The following KLF16 variants were observed in gnomAD, a reference collection of about 807,000 sequenced individuals.
KLF16 encodes Krueppel-like factor 16.
In KLF16, 6 loss-of-function variants were observed where a neutral mutation model predicts 6.1. That is an observed-to-expected ratio of 0.98 (90% CI 0.54 to 1.93). The LOEUF (loss-of-function observed/expected upper bound fraction) is 1.93. KLF16 is among the 30% of genes most tolerant of loss of function. The pLI, the probability that KLF16 is intolerant of heterozygous loss-of-function variation, is 0.01. For missense variants in KLF16, 355 were observed against 363.8 expected (o/e 0.98, Z 0.20); for synonymous variants, 211 against 176.5 (o/e 1.20, Z -1.55).
At chr19:1,864,679 C>T (rs1432740872), upstream of KLF16, among the ~76,000 whole-genome samples, 2 of 152,142 alleles carry the variant, frequency 1.3e-5, no homozygotes, top group Non-Finnish European at 2.9e-5. Flanking sequence ...GGCATCGATT[C>T]TTGGGGTTCG....
the KLF16 span, among the ~76,000 whole-genome samples, chr19:1,872,055 TC>T: frequency 6.6e-6 from 1 of 152,208 alleles, no homozygotes; most frequent in Non-Finnish European, 1.5e-5. Flanking sequence ...GCACCCCGCT[TC>T]CTTGGCCTCC....
intron 1 of KLF16, 86 bp from the exon 2 acceptor site, chr19:1,854,846 G>C (rs1039239483): frequency 1.4e-6 from 2 of 1,453,142 alleles, no homozygotes; most frequent in Non-Finnish European, 1.9e-6. Context: ...AAAGGGTGGC[G>C]GGCATTTGTC....
Position 1,852,453 on chromosome 19 carries a change from A to C in KLF16, c.*2006T>G, listed in dbSNP as rs547710304. ...ATTAAATACAAGGATGAGGCCAGGCAGGGCGGGGGAGGGGCGCCACCCACG... is the reference window on the plus strand; with the variant it reads ...ATTAAATACAAGGATGAGGCCAGGCCGGGCGGGGGAGGGGCGCCACCCACG... On this transcript the variant is annotated 3_prime_UTR_variant, in exon 2 of 2. Coordinates refer to ENST00000250916, the MANE Select transcript of KLF16 (RefSeq NM_031918.4). 6.6e-6 allele frequency: 1 copy of C among 150,948 alleles called. No homozygotes were observed. The highest frequency in any genetic ancestry group is 2.1e-4 in the South Asian group (1 of 4,746). The allele number at this position is 150,948 out of a possible 1,614,324, so 9.4% of individuals were successfully genotyped here.
chr19:1,854,950 C>T (rs560221660), intron 1 of KLF16, among the ~76,000 whole-genome samples, 190 bp from the exon 2 acceptor site: 2 of 152,272 alleles, frequency 1.3e-5, no homozygotes, highest in African/African-American at 4.8e-5. Context: ...TGGCCCAACA[C>T]GAGACCCTAA....
chr19:1,863,087 G>A lies in KLF16; in HGVS notation c.411C>T (p.Ala137=). Residue 137 remains alanine, a synonymous_variant, in exon 1 of 2, where the codon GCC becomes GCT. Coordinates refer to ENST00000250916, the MANE Select transcript of KLF16 (RefSeq NM_031918.4). ...HRCPFPDCAK[A]YYKSSHLKSH... ...ACTTTAGGTGCGAGGACTTGTAGTA[G>A]GCTTTGGCGCAGTCCGGGAAGGGAC... 1 of 1,414,972 alleles carries A rather than the reference G, an allele frequency of 7.1e-7. No individual in the cohort carries two copies. Among genetic ancestry groups the A allele is most frequent in the Non-Finnish European group, 9.4e-7 (1 of 1,066,768 alleles). 87.7% of individuals were successfully genotyped at this position (1,414,972 alleles called of 1,614,324 possible).
chr19:1,863,540 C>A lies in KLF16; in HGVS notation c.-43G>T, dbSNP rs1237633520. The stretch of plus-strand genomic sequence containing the variant: ...GGCGCGGCGGGCGGAGCGGAGGCGG[C>A]GGGAGCGGCGTCCGTCCGGCCGGCG... On this transcript the variant is annotated 5_prime_UTR_variant, in exon 1 of 2. Transcript: ENST00000250916. 3 of 931,788 alleles carry A rather than the reference C, an allele frequency of 3.2e-6. No individual in the cohort carries two copies. Among genetic ancestry groups the A allele is most frequent in the African/African-American group, 3.6e-5 (2 of 55,226 alleles). The allele number at this position is 931,788 out of a possible 1,614,324, so 57.7% of individuals were successfully genotyped here.
rs764982683 is a variant in KLF16, at chr19:1,854,500, C to A, written c.718G>T (p.Ala240Ser). ...GCTGGGCTGGGCGCGGGGCTGGGCG[C>A]AGGGCTCCCGGCCAGGCTGCAGGGC... is the stretch of plus-strand genomic sequence containing the variant. ...SLPCSLAGSP[A>S]PSPAPSPAPA... is the part of the protein sequence containing the mutation. The change falls in exon 2 of 2, where the codon GCG becomes TCG. Residue 240 changes from alanine (A) to serine (S), a missense_variant. By Grantham distance (99) the Ala-to-Ser change is moderately conservative. Transcript: ENST00000250916. The A allele has an allele frequency of 1.4e-6, 2 of 1,460,588 alleles. No homozygotes were observed. The highest frequency in any genetic ancestry group is 1.4e-5 in the South Asian group (1 of 70,776). The allele number at this position is 1,460,588 out of a possible 1,614,324, so 90.5% of individuals were successfully genotyped here. A position where few individuals can be genotyped will look rare whatever the true frequency, so the allele number is the denominator to read the frequency against.
chr19:1,866,793 AAGG>A (rs2012195409), upstream of KLF16, among the ~76,000 whole-genome samples: 1 of 151,238 alleles, frequency 6.6e-6, no homozygotes, highest in African/African-American at 2.4e-5. Context: ...AAAAAAAAAA[AAGG>A]AGTTGTCATT....
At chr19:1,860,304 G>A (rs2145367802) in intron 1 of KLF16, 1 of 152,608 alleles carries the variant, frequency 6.6e-6, no homozygotes, top group East Asian at 1.9e-4. Flanking sequence ...AGAGCCGAGA[G>A]CTGGCCGGGC....
Position 1,854,437 on chromosome 19 carries a change from C to T in KLF16, c.*22G>A. On this transcript the variant is annotated 3_prime_UTR_variant, in exon 2 of 2. Transcript: ENST00000250916. ...TGGATGGCAGAAGCATCCTGGCGGTCAGGGTGGGCTGCACGAGGGCCCTAC... is the reference window on the plus strand; with the variant it reads ...TGGATGGCAGAAGCATCCTGGCGGTTAGGGTGGGCTGCACGAGGGCCCTAC... 2 of 1,389,172 alleles carry T rather than the reference C, an allele frequency of 1.4e-6. No homozygotes were observed. Among genetic ancestry groups the T allele is most frequent in the Non-Finnish European group, 1.9e-6 (2 of 1,080,754 alleles). 86.1% of individuals were successfully genotyped at this position (1,389,172 alleles called of 1,614,324 possible). A position where few individuals can be genotyped will look rare whatever the true frequency, so the allele number is the denominator to read the frequency against.
chr19:1,872,233 C>T, the KLF16 span, among the ~76,000 whole-genome samples: 1,189 of 152,236 alleles, frequency 7.8e-3, 19 homozygotes, highest in African/African-American at 0.026. Flanking sequence ...TGGGTTCAAG[C>T]GATTCTCCTG....
chr19:1,869,291 A>C, the KLF16 span, among the ~76,000 whole-genome samples: 19 of 152,178 alleles, frequency 1.2e-4, no homozygotes, highest in Non-Finnish European at 1.5e-5. Context: ...AGCCTGGCCA[A>C]CATGGTGAAA....
intron 1 of KLF16, among the ~76,000 whole-genome samples, chr19:1,856,820 C>A (rs952003369): frequency 2.0e-5 from 3 of 152,130 alleles, no homozygotes; most frequent in African/African-American, 7.2e-5. Flanking sequence ...GGGGAGGCGG[C>A]AGGAGGGAAG....
At chr19:1,856,860 A>C (rs1244248378) in intron 1 of KLF16, among the ~76,000 whole-genome samples, 2 of 150,768 alleles carry the variant, frequency 1.3e-5, no homozygotes, top group Non-Finnish European at 3.0e-5. Flanking sequence ...GGTGCCGGAC[A>C]GTCAGTTGGT....
At chr19:1,859,207 T>C (rs955732602) in intron 1 of KLF16, among the ~76,000 whole-genome samples, 19 of 151,632 alleles carry the variant, frequency 1.3e-4, no homozygotes, top group African/African-American at 4.6e-4. Context: ...TGCCTGGGGG[T>C]GGAGGAGAGA....
upstream of KLF16, among the ~76,000 whole-genome samples, chr19:1,867,455 G>T (rs2012205577): frequency 6.6e-6 from 1 of 152,228 alleles, no homozygotes; most frequent in Admixed American, 6.5e-5. Context: ...CACGCCTGTG[G>T]TCCCAGCTCT....
At chr19:1,856,545 CAA>C (rs1322055481) in intron 1 of KLF16, among the ~76,000 whole-genome samples, 1 of 152,156 alleles carries the variant, frequency 6.6e-6, no homozygotes, top group Admixed American at 6.5e-5. Flanking sequence ...CTCCACACCC[CAA>C]GTCTCCCCCA....
At chr19:1,855,841 G>A (rs539358633) in intron 1 of KLF16, among the ~76,000 whole-genome samples, 4 of 152,220 alleles carry the variant, frequency 2.6e-5, no homozygotes, top group Non-Finnish European at 5.9e-5. Flanking sequence ...CCCTGCACCA[G>A]GTACCCTGGA....
At chr19:1,873,084 A>G in the KLF16 span, among the ~76,000 whole-genome samples, 1 of 152,162 alleles carries the variant, frequency 6.6e-6, no homozygotes, top group Non-Finnish European at 1.5e-5. Flanking sequence ...GGACAGAATC[A>G]CAGCCAAGCA....
Sources: gnomAD v4.1 joint callset for allele counts (sites outside exome capture counted in the v4.1 genomes callset) on GRCh38, gnomAD v4.1.1 for gene constraint, MANE v1.5 for transcripts, NCBI Gene and HGNC (gene_info 2026-07-23, HGNC 2026-07-21) for gene names.